Variants in GATAD1 observed in about 807,000 individuals in gnomAD.
The protein encoded by GATAD1 is GATA zinc finger domain containing 1.
A neutral mutation model predicts 26.5 loss-of-function variants in GATAD1; 12 were observed. The ratio of observed to expected loss-of-function variants is 0.45; its 90% CI spans 0.29 to 0.73. The LOEUF is 0.73. Among genes scored for constraint, GATAD1 ranks in the 30% least tolerant of loss-of-function variants. The pLI, the probability that GATAD1 is intolerant of heterozygous loss-of-function variation, is 0.10. For synonymous variants in GATAD1, 129 were observed against 133.1 expected (o/e 0.97, Z 0.21); for missense variants, 266 against 342.1 (o/e 0.78, Z 1.75).
chr7:92,490,891 TTTG>T, the GATAD1 span, among the ~76,000 whole-genome samples: 1 of 152,212 alleles, frequency 6.6e-6, no homozygotes, highest in Non-Finnish European at 1.5e-5. Context: ...CAGATAACAC[TTTG>T]TTTTCAGGAA....
the GATAD1 span, among the ~76,000 whole-genome samples, chr7:92,476,407 C>T: frequency 5.9e-5 from 9 of 152,258 alleles, no homozygotes; most frequent in East Asian, 7.7e-4. Flanking sequence ...AGGGAAGCTA[C>T]GGGTTGTCAA....
At chr7:92,463,376 C>T (rs946292730), downstream of GATAD1, among the ~76,000 whole-genome samples, 5 of 152,042 alleles carry the variant, frequency 3.3e-5, no homozygotes, top group Non-Finnish European at 5.9e-5. Flanking sequence ...ACTGGGCTGG[C>T]GCAGTGGCTC....
Position 92,454,933 on chromosome 7 carries a change from A to T in GATAD1, c.619+248A>T, listed in dbSNP as rs373083338. 3.6e-3 allele frequency among the ~76,000 whole-genome samples: 551 copies of T among 152,274 alleles called. 5 individuals carry two copies. Among genetic ancestry groups the T allele is most frequent in the South Asian group, 0.028 (134 of 4,828 alleles). ...GGTCACCTTCTTGCTGTGTCCTCAC[A>T]TGGCCTTTCATGGAGTGAGAGCTCT... On this transcript the variant is annotated intron_variant, in intron 4 of 4. Coordinates refer to ENST00000287957, the MANE Select transcript of GATAD1 (RefSeq NM_021167.5).
chr7:92,470,193 AG>A, the GATAD1 span: 2 of 778,638 alleles, frequency 2.6e-6, no homozygotes, highest in Non-Finnish European at 4.8e-6. Flanking sequence ...GGGTGTGGGC[AG>A]TGAAGGTGGG....
Position 92,456,682 on chromosome 7 carries a change from A to T in GATAD1, c.*120A>T. On this transcript the variant is annotated 3_prime_UTR_variant, in exon 5 of 5. Transcript: ENST00000287957. ...GTCAGATTCTCTTTCTTAAAAAACC[A>T]CAAAAAAACTGGATTTCCAGTTCTC... is the stretch of plus-strand genomic sequence containing the variant. 1 of 588,986 alleles carries T rather than the reference A, an allele frequency of 1.7e-6. No individual in the cohort carries two copies. Among genetic ancestry groups the T allele is most frequent in the Admixed American group, 3.1e-5 (1 of 32,012 alleles). 36.5% of individuals were successfully genotyped at this position (588,986 alleles called of 1,614,324 possible).
At chr7:92,491,826 C>A in the GATAD1 span, among the ~76,000 whole-genome samples, 2 of 152,090 alleles carry the variant, frequency 1.3e-5, no homozygotes, top group Non-Finnish European at 2.9e-5. Context: ...GATGAATCAA[C>A]CATGTTATAG....
the GATAD1 span, among the ~76,000 whole-genome samples, chr7:92,491,989 G>A: frequency 1.3e-5 from 2 of 152,288 alleles, no homozygotes; most frequent in East Asian, 3.9e-4. Flanking sequence ...AACAAATGTG[G>A]TAAAGAAGAG....
chr7:92,481,721 A>G, the GATAD1 span, among the ~76,000 whole-genome samples: 1 of 152,172 alleles, frequency 6.6e-6, no homozygotes, highest in Non-Finnish European at 1.5e-5. Context: ...TTTAGAATCT[A>G]TGGGGTCAGC....
At chr7:92,470,856 A>AT in the GATAD1 span, 1 of 168,020 alleles carries the variant, frequency 6.0e-6, no homozygotes, top group Non-Finnish European at 1.5e-5. Flanking sequence ...AAAGTTGCAG[A>AT]TTCTTTTTAA....
the GATAD1 span, chr7:92,494,083 G>C: frequency 1.8e-6 from 1 of 541,806 alleles, no homozygotes; most frequent in Non-Finnish European, 3.3e-6. Flanking sequence ...AACACAGAAG[G>C]ATTACAAAGT....
the GATAD1 span, among the ~76,000 whole-genome samples, chr7:92,492,592 A>G: frequency 1.9e-4 from 29 of 152,208 alleles, no homozygotes; most frequent in Non-Finnish European, 3.8e-4. Context: ...GAGCTTCAAA[A>G]CAACAACTTT....
the GATAD1 span, among the ~76,000 whole-genome samples, chr7:92,481,243 A>T: frequency 1.3e-5 from 2 of 152,216 alleles, no homozygotes; most frequent in Non-Finnish European, 2.9e-5. Context: ...GAGACATACA[A>T]TCATCAGGGT....
the GATAD1 span, chr7:92,489,627 G>A: frequency 2.6e-4 from 329 of 1,246,298 alleles, 1 homozygote; most frequent in Middle Eastern, 3.8e-4. Flanking sequence ...AATATAGCTC[G>A]TTTATAAGTC....
Position 92,447,645 on chromosome 7 carries a change from G to C in GATAD1, c.-85G>C, listed in dbSNP as rs1156777835. ...CTCACCGCTCTTCCTATCGCCGGGAGTGGCGGGCCGACCAGGGGGCGGCCG... is the reference window on the plus strand; with the variant it reads ...CTCACCGCTCTTCCTATCGCCGGGACTGGCGGGCCGACCAGGGGGCGGCCG... On this transcript the variant is annotated 5_prime_UTR_variant, in exon 1 of 5. Transcript: ENST00000287957. 7.6e-7 allele frequency: 1 copy of C among 1,317,964 alleles called. No individual in the cohort carries two copies. The highest frequency in any genetic ancestry group is 3.2e-5 in the East Asian group (1 of 30,792). 81.6% of individuals were successfully genotyped at this position (1,317,964 alleles called of 1,614,324 possible).
chr7:92,464,803 A>G (rs2115920608), downstream of GATAD1, among the ~76,000 whole-genome samples: 1 of 152,346 alleles, frequency 6.6e-6, no homozygotes, highest in Admixed American at 6.5e-5. Flanking sequence ...GTCCTCAGGC[A>G]GGGCCCCTGG....
chr7:92,492,929 TAAC>T, the GATAD1 span: 2 of 1,587,392 alleles, frequency 1.3e-6, no homozygotes, highest in East Asian at 2.2e-5. Flanking sequence ...TAAAATGTCA[TAAC>T]AACTTCCTCA....
the GATAD1 span, among the ~76,000 whole-genome samples, chr7:92,479,763 A>C: frequency 3.3e-5 from 5 of 151,932 alleles, no homozygotes; most frequent in Non-Finnish European, 5.9e-5. Context: ...CTGAAGGAAG[A>C]TTTTGTGGTA....
At chr7:92,468,556 C>G in the GATAD1 span, 2 of 433,976 alleles carry the variant, frequency 4.6e-6, no homozygotes, top group Admixed American at 7.9e-5. Flanking sequence ...TACCTCCTGT[C>G]TTTGCCTAAT....
chr7:92,481,238 A>G, the GATAD1 span, among the ~76,000 whole-genome samples: 1 of 152,202 alleles, frequency 6.6e-6, no homozygotes, highest in South Asian at 2.1e-4. Flanking sequence ...GATCAGAGAC[A>G]TACAATCATC....
Sources: allele counts gnomAD v4.1 joint callset (sites outside exome capture counted in the v4.1 genomes callset), GRCh38; gene constraint gnomAD v4.1.1; transcripts MANE v1.5; gene names NCBI Gene and HGNC (gene_info 2026-07-23, HGNC 2026-07-21).